The following HOMER3 variants were observed in gnomAD, a reference collection of about 807,000 sequenced individuals.
The protein encoded by HOMER3 is homer scaffold protein 3, also known as homer protein homolog 3.
In HOMER3, 34 loss-of-function variants were observed where a neutral mutation model predicts 45.5. The ratio of observed to expected loss-of-function variants is 0.75; its 90% CI spans 0.57 to 1.00. The LOEUF is 1.00. Among genes scored for constraint, HOMER3 ranks in the 50% least tolerant of loss-of-function variants. The pLI, the probability that HOMER3 is intolerant of heterozygous loss-of-function variation, is 0.00. For missense variants in HOMER3, 480 were observed against 497.5 expected (o/e 0.96, Z 0.33); for synonymous variants, 223 against 208.8 (o/e 1.07, Z -0.58).
rs369173513 is a variant in HOMER3, at chr19:18,929,414, G to C, written c.*29C>G. 1.7e-5 allele frequency: 27 copies of C among 1,584,980 alleles called. No homozygotes were observed. The highest frequency in any genetic ancestry group is 2.1e-5 in the Non-Finnish European group (25 of 1,169,374). ...TGCAGCCTGGCCCGCATCCCAGGCC[G>C]GAATCGTTCATAGAAAACCAGCCCC... On this transcript the variant is annotated 3_prime_UTR_variant, in exon 10 of 10. Coordinates refer to ENST00000392351, the MANE Select transcript of HOMER3 (RefSeq NM_004838.4).
chr19:18,934,441 AC>A, intron 4 of HOMER3, 31 bp from the exon 5 acceptor site: 1 of 1,374,992 alleles, frequency 7.3e-7, no homozygotes, highest in Non-Finnish European at 9.8e-7. Flanking sequence ...AGACAGTAAA[AC>A]CCCAGCCCAT....
At chr19:18,929,821 G>T (rs2057011078) in intron 9 of HOMER3, among the ~76,000 whole-genome samples, 187 bp from the exon 10 acceptor site, 1 of 152,136 alleles carries the variant, frequency 6.6e-6, no homozygotes. Context: ...TTGTTTGTTT[G>T]TTTGTTTTTG....
Position 18,932,922 on chromosome 19 carries a change from A to G in HOMER3, c.533+2T>C, listed in dbSNP as rs748906419. 3 of 1,051,100 alleles carry G rather than the reference A, an allele frequency of 2.9e-6. No homozygotes were observed. Among genetic ancestry groups the G allele is most frequent in the Non-Finnish European group, 3.5e-6 (3 of 849,322 alleles). The allele number at this position is 1,051,100 out of a possible 1,614,324, so 65.1% of individuals were successfully genotyped here. A position where few individuals can be genotyped will look rare whatever the true frequency, so the allele number is the denominator to read the frequency against. On this transcript the variant is annotated splice_donor_variant, in intron 6 of 9. Transcript: ENST00000392351. LOFTEE classifies it high-confidence loss of function. The stretch of plus-strand genomic sequence containing the variant: ...GCCACGCCCCCAAGTCCCGCCCCTC[A>G]CCCCTCAGACAACATCTTCTTTAGC...
chr19:18,929,585 T>G lies in HOMER3; in HGVS notation c.944A>C (p.Glu315Ala), dbSNP rs1356197750. The change falls in exon 10 of 10, where the codon GAG (glutamate) becomes GCG (alanine). Residue 315 changes from glutamate (E) to alanine (A), a missense_variant. Glu to Ala is a moderately radical substitution (Grantham distance 107, BLOSUM62 -1). Transcript: ENST00000392351. ...TGCCCGTGCCTCCTCCAGGCTGCGCTCCATCGCCCGCAGCTGGTGCTCCAA... is the reference window on the plus strand; with the variant it reads ...TGCCCGTGCCTCCTCCAGGCTGCGCGCCATCGCCCGCAGCTGGTGCTCCAA... The part of the protein sequence containing the change: ...AELEHQLRAM[E>A]RSLEEARAER... The G allele has an allele frequency of 1.9e-6, 3 of 1,542,618 alleles. No individual in the cohort carries two copies. The highest frequency in any genetic ancestry group is 2.6e-6 in the Non-Finnish European group (3 of 1,143,380).
chr19:18,932,139 A>T lies in HOMER3; in HGVS notation c.534-7T>A. ...CTGTACCTCGCCCACGGAGCTGCAG[A>T]GACACGAGGGTCGGCAGTGGGTGAC... On this transcript the variant is annotated splice_region_variant and splice_polypyrimidine_tract_variant and intron_variant, in intron 6 of 9. Coordinates refer to ENST00000392351, the MANE Select transcript of HOMER3 (RefSeq NM_004838.4). 6.7e-7 allele frequency: 1 copy of T among 1,499,098 alleles called. No homozygotes were observed. Among genetic ancestry groups the T allele is most frequent in the Non-Finnish European group, 9.0e-7 (1 of 1,116,478 alleles). The allele number at this position is 1,499,098 out of a possible 1,614,324, so 92.9% of individuals were successfully genotyped here. A position where few individuals can be genotyped will look rare whatever the true frequency, so the allele number is the denominator to read the frequency against.
intron 6 of HOMER3, 39 bp downstream of exon 6, chr19:18,932,885 A>ACCCCCCCCCCCCCCCCCC: frequency 2.9e-6 from 2 of 687,538 alleles, no homozygotes; most frequent in Non-Finnish European, 2.1e-6. Flanking sequence ...CCCCACCCCT[A>ACCCCCCCCCCCCCCCCCC]CCCCCGCCCC....
chr19:18,938,132 C>T (rs1314080372), intron 4 of HOMER3, among the ~76,000 whole-genome samples: 2 of 151,504 alleles, frequency 1.3e-5, no homozygotes, highest in Non-Finnish European at 2.9e-5. Flanking sequence ...GCGGAGGTTG[C>T]GTGAGCCAAG....
At chr19:18,931,062 C>T (rs1166767999) in intron 9 of HOMER3, among the ~76,000 whole-genome samples, 1 of 152,180 alleles carries the variant, frequency 6.6e-6, no homozygotes, top group African/African-American at 2.4e-5. Flanking sequence ...CCAATGCAGG[C>T]TCTGTGATCT....
Position 18,929,732 on chromosome 19 carries a change from C to G in HOMER3, c.895-98G>C, listed in dbSNP as rs2057009909. On this transcript the variant is annotated intron_variant, in intron 9 of 9. Transcript: ENST00000392351. ...ACCACCTTCATGTCCCTCTTCTGCC[C>G]AGAGCCATCCTAGGGCGCCCAACAC... 2.8e-6 allele frequency: 3 copies of G among 1,055,978 alleles called. No individual in the cohort carries two copies. In the Admixed American group the frequency reaches 9.0e-5, roughly 32 times the overall value. 65.4% of individuals were successfully genotyped at this position (1,055,978 alleles called of 1,614,324 possible).
intron 7 of HOMER3, 87 bp from the exon 8 acceptor site, chr19:18,931,712 G>A: frequency 6.6e-7 from 1 of 1,516,708 alleles, no homozygotes; most frequent in Non-Finnish European, 8.8e-7. Context: ...CTCCTGTCTG[G>A]CCACGCCCAG....
In HOMER3 at chr19:18,931,350, C is replaced by T. The variant is rs141596306; in HGVS notation, c.869G>A (p.Arg290His). The T allele has an allele frequency of 5.0e-5, 80 of 1,614,034 alleles. No homozygotes were observed. Among genetic ancestry groups the T allele is most frequent in the African/African-American group, 8.0e-5 (6 of 74,944 alleles). The change falls in exon 9 of 10, where the codon CGT (arginine) becomes CAT (histidine). Residue 290 changes from arginine to histidine, a missense_variant. Physicochemically the swap from Arg to His is conservative, Grantham distance 29 (BLOSUM62 0). Coordinates refer to ENST00000392351, the MANE Select transcript of HOMER3 (RefSeq NM_004838.4). ...GPREALEAAE[R>H]EETQQKVQDL... ...CTGCACCTTCTGCTGAGTCTCCTCA[C>T]GCTCGGCAGCCTCCAGGGCCTCGCG...
intron 7 of HOMER3, 29 bp from the exon 8 acceptor site, chr19:18,931,654 G>A (rs775238819): frequency 1.3e-6 from 2 of 1,566,708 alleles, no homozygotes; most frequent in South Asian, 1.2e-5. Flanking sequence ...AGCCCCTGAC[G>A]CCCCCGCCTG....
chr19:18,931,741 C>T (rs2057035132), intron 7 of HOMER3, 116 bp from the exon 8 acceptor site: 1 of 1,496,258 alleles, frequency 6.7e-7, no homozygotes, highest in African/African-American at 1.4e-5. Flanking sequence ...ACCCATCTCC[C>T]TTGGTTGGTG....
intron 9 of HOMER3, among the ~76,000 whole-genome samples, chr19:18,930,809 C>G (rs2057023574): frequency 6.6e-6 from 1 of 152,098 alleles, no homozygotes. Context: ...GGAGTTGAGA[C>G]CAGCCTGGCC....
At chr19:18,934,869 T>G (rs977053160) in intron 4 of HOMER3, among the ~76,000 whole-genome samples, 1 of 115,696 alleles carries the variant, frequency 8.6e-6, no homozygotes, top group South Asian at 2.5e-4. Flanking sequence ...TTCCTGTTTT[T>G]TGTTTTTTTT....
chr19:18,932,861 A>C (rs2145123172), intron 6 of HOMER3, 63 bp downstream of exon 6: 1 of 1,254,118 alleles, frequency 8.0e-7, no homozygotes, highest in Non-Finnish European at 1.0e-6. Context: ...GCTTCCAAGA[A>C]CCGCCTCCTC....
In HOMER3 at chr19:18,934,871, G is replaced by T. The variant is rs77438247; in HGVS notation, c.304-461C>A. On this transcript the variant is annotated intron_variant, in intron 4 of 9. Transcript: ENST00000392351. ...CAGAATGGCCCTTTTCCTGTTTTTT[G>T]TTTTTTTTTTTTTTGAGATGGAGTC... 8.6e-3 allele frequency among the ~76,000 whole-genome samples: 1,053 copies of T among 121,766 alleles called. 10 individuals carry two copies. The highest frequency in any genetic ancestry group is 0.026 in the African/African-American group (958 of 36,962). 79.9% of individuals were successfully genotyped at this position (121,766 alleles called of 152,430 possible). A position where few individuals can be genotyped will look rare whatever the true frequency, so the allele number is the denominator to read the frequency against.
Position 18,939,016 on chromosome 19 carries a change from A to G in HOMER3, c.-34T>C. ...CTGGGATGGGCAGGCTCTAGGGGGC[A>G]GCCAGAGAGGTGGCAGGAGCACTGG... is the stretch of plus-strand genomic sequence containing the variant. On this transcript the variant is annotated 5_prime_UTR_variant, in exon 2 of 10. Transcript: ENST00000392351. The G allele has an allele frequency of 6.5e-7, 1 of 1,549,308 alleles. No homozygotes were observed. The highest frequency in any genetic ancestry group is 1.4e-5 in the African/African-American group (1 of 73,480).
chr19:18,939,295 G>A, intron 1 of HOMER3: 3 of 344,860 alleles, frequency 8.7e-6, no homozygotes, highest in Non-Finnish European at 1.6e-5. Context: ...TAAACAATTA[G>A]CTGGGTGTGG....
Sources: allele counts gnomAD v4.1 joint callset (sites outside exome capture counted in the v4.1 genomes callset), GRCh38; gene constraint gnomAD v4.1.1; transcripts MANE v1.5; gene names NCBI Gene and HGNC (gene_info 2026-07-23, HGNC 2026-07-21).